CDH26: variants seen among roughly 807,000 people sequenced by gnomAD.
CDH26 encodes cadherin 26.
CDH26 carries 83 observed loss-of-function variants against 90.3 expected under a neutral mutation model. The observed-to-expected ratio is 0.92, with a 90% CI of 0.77 to 1.10. CDH26 has a LOEUF of 1.10. Ranked by LOEUF, CDH26 falls within the 50% of genes least tolerant of loss-of-function variation. CDH26 has a pLI of 0.00. For missense variants in CDH26, 1,013 were observed against 1,037.6 expected, an observed-to-expected ratio of 0.98 and a Z score of 0.33; for synonymous variants, 397 against 396.3, an observed-to-expected ratio of 1.00 and a Z score of -0.02.
chr20:60,008,633 A>G (rs1326578314), intron 17 of CDH26, among the ~76,000 whole-genome samples: 4 of 152,134 alleles, frequency 2.6e-5, no homozygotes, highest in African/African-American at 9.7e-5. Flanking sequence ...CAGGGCTGTG[A>G]ACACTGTGGC....
At position 59,987,732 on chromosome 20, in the gene CDH26, C is replaced by T. The variant is rs1349864493; in HGVS notation, c.1023+94C>T. The T allele has an allele frequency of 2.5e-6, 3 of 1,182,994 alleles. No homozygotes were observed. In the Admixed American group the frequency reaches 7.3e-5, roughly 29 times the overall value. 73.3% of individuals were successfully genotyped at this position (1,182,994 alleles called of 1,614,324 possible). On this transcript the variant is annotated intron_variant, in intron 8 of 17. Transcript: ENST00000348616. ...CACAATGAACCAGGGAGCTAACGTCCGTGGATGCTGGGTGCTGAGCCCATT... is the reference window on the plus strand; with the variant it reads ...CACAATGAACCAGGGAGCTAACGTCTGTGGATGCTGGGTGCTGAGCCCATT...
At chr20:59,971,697 G>A (rs570814286) in intron 3 of CDH26, among the ~76,000 whole-genome samples, 3 of 152,284 alleles carry the variant, frequency 2.0e-5, no homozygotes, top group African/African-American at 7.2e-5. Context: ...CATGCTATGT[G>A]AAGGAAGTAT....
At chr20:60,025,524 G>A (rs570036297) in intron 7 of CDH26, among the ~76,000 whole-genome samples, 1 of 152,182 alleles carries the variant, frequency 6.6e-6, no homozygotes, top group African/African-American at 2.4e-5. Flanking sequence ...ACTGCCAGAA[G>A]TCCTCCAGGG....
intron 15 of CDH26, chr20:60,001,720 T>A: frequency 1.4e-6 from 1 of 720,392 alleles, no homozygotes. Context: ...AGATCATCTA[T>A]AAAGTTAAAA....
At chr20:60,032,595 AC>A (rs1403262909) in intron 8 of CDH26, among the ~76,000 whole-genome samples, 1 of 152,100 alleles carries the variant, frequency 6.6e-6, no homozygotes. Context: ...CTTGGAACCA[AC>A]CCAAATATCC....
At chr20:60,011,254 T>A (rs2061835578) in intron 17 of CDH26, among the ~76,000 whole-genome samples, 1 of 152,206 alleles carries the variant, frequency 6.6e-6, no homozygotes, top group South Asian at 2.1e-4. Context: ...ATGTCCTGAC[T>A]TAAGTCAGGC....
At chr20:60,004,475 A>G (rs143105585) in intron 16 of CDH26, among the ~76,000 whole-genome samples, 64 of 152,206 alleles carry the variant, frequency 4.2e-4, no homozygotes, top group Non-Finnish European at 8.7e-4. Flanking sequence ...TTGTGTATCT[A>G]CCTACACAGG....
At chr20:59,977,325 G>A (rs1002630023) in intron 4 of CDH26, among the ~76,000 whole-genome samples, 1 of 152,212 alleles carries the variant, frequency 6.6e-6, no homozygotes, top group Non-Finnish European at 1.5e-5. Context: ...GACCACCCTC[G>A]TGCCAGGATC....
intron 12 of CDH26, chr20:59,996,302 G>C: frequency 1.5e-6 from 2 of 1,313,104 alleles, no homozygotes; most frequent in Non-Finnish European, 2.0e-6. Context: ...TAGTCAAGGA[G>C]TGGCCCTTTG....
At chr20:60,002,708 T>C in intron 15 of CDH26, 105 bp from the exon 16 acceptor site, 2 of 690,758 alleles carry the variant, frequency 2.9e-6, no homozygotes, top group Non-Finnish European at 4.7e-6. Context: ...TACTATACCT[T>C]TAGTACAAAA....
intron 16 of CDH26, 98 bp downstream of exon 16, chr20:60,002,964 A>G: frequency 7.1e-6 from 6 of 842,830 alleles, no homozygotes; most frequent in East Asian, 2.9e-5. Flanking sequence ...GGAAGGAAAG[A>G]GGTGATAAAA....
chr20:60,022,854 G>A (rs6513470), intron 7 of CDH26, among the ~76,000 whole-genome samples: 59,542 of 151,934 alleles, frequency 0.39, 12,783 homozygotes, highest in Non-Finnish European at 0.47. Flanking sequence ...CTGAAATTTT[G>A]TGCAAGTATG....
intron 3 of CDH26, among the ~76,000 whole-genome samples, chr20:59,971,304 A>T (rs2061258583): frequency 1.3e-5 from 2 of 152,052 alleles, no homozygotes; most frequent in African/African-American, 4.8e-5. Context: ...CTACTGCACC[A>T]CCTCCTTGCT....
At chr20:60,016,698 A>G (rs537554303), downstream of CDH26, among the ~76,000 whole-genome samples, 13 of 152,204 alleles carry the variant, frequency 8.5e-5, no homozygotes, top group African/African-American at 2.9e-4. Context: ...TCCAGTCCTT[A>G]GGGGAATAGT....
At chr20:60,002,984 C>T (rs369698191) in intron 16 of CDH26, 118 bp downstream of exon 16, 15 of 611,648 alleles carry the variant, frequency 2.5e-5, no homozygotes, top group African/African-American at 1.3e-4. Context: ...AAAAAATATG[C>T]CCAACATCCA....
chr20:59,974,763 G>C (rs1477230951), intron 4 of CDH26, among the ~76,000 whole-genome samples: 5 of 152,086 alleles, frequency 3.3e-5, no homozygotes, highest in Non-Finnish European at 7.4e-5. Flanking sequence ...ATACAGGGTG[G>C]GGATTCTGAG....
chr20:60,034,399 A>G (rs908113981), downstream of CDH26, among the ~76,000 whole-genome samples: 1 of 152,202 alleles, frequency 6.6e-6, no homozygotes, highest in African/African-American at 2.4e-5. Flanking sequence ...GGAAAGTTCT[A>G]AATTAGCCTT....
intron 9 of CDH26, among the ~76,000 whole-genome samples, chr20:59,991,255 T>C (rs2061524585): frequency 6.6e-6 from 1 of 152,208 alleles, no homozygotes; most frequent in Non-Finnish European, 1.5e-5. Flanking sequence ...TGAGGATGGT[T>C]GGCTCATACT....
chr20:59,962,086 T>C (rs2145965763), intron 1 of CDH26, among the ~76,000 whole-genome samples: 1 of 152,260 alleles, frequency 6.6e-6, no homozygotes, highest in East Asian at 1.9e-4. Context: ...GTGGGGATAG[T>C]GTGGTCAGAG....
Sources: allele counts gnomAD v4.1 joint callset (sites outside exome capture counted in the v4.1 genomes callset), GRCh38; gene constraint gnomAD v4.1.1; transcripts MANE v1.5; gene names NCBI Gene and HGNC (gene_info 2026-07-23, HGNC 2026-07-21).